NHERF1: variants seen among roughly 807,000 people sequenced by gnomAD.
The protein encoded by NHERF1 is Na(+)/H(+) exchange regulatory cofactor NHE-RF1.
At chr17:74,763,477 C>T in the NHERF1 span, 1 of 1,611,102 alleles carries the variant, frequency 6.2e-7, no homozygotes, top group South Asian at 1.1e-5. Flanking sequence ...CTGACGAGTT[C>T]TTCAAGAAAT....
the NHERF1 span, among the ~76,000 whole-genome samples, chr17:74,764,020 T>G: frequency 6.6e-6 from 1 of 152,232 alleles, no homozygotes; most frequent in South Asian, 2.1e-4. The surrounding 1 kb of genome is among the most constrained non-coding windows in gnomAD (Gnocchi z 4.9). Flanking sequence ...CCCCCTTCAA[T>G]CCCTGGGCCC....
At chr17:74,768,584 C>T in the NHERF1 span, 1 of 1,614,160 alleles carries the variant, frequency 6.2e-7, no homozygotes, top group Non-Finnish European at 8.5e-7. Flanking sequence ...AGAGGGCCCA[C>T]CAGAAACGCA....
chr17:74,753,604 C>T, the NHERF1 span, among the ~76,000 whole-genome samples: 1 of 152,130 alleles, frequency 6.6e-6, no homozygotes, highest in Non-Finnish European at 1.5e-5. Context: ...ATGGGGGCTT[C>T]CTGGCCGGGC....
the NHERF1 span, among the ~76,000 whole-genome samples, chr17:74,753,176 C>T: frequency 1.3e-5 from 2 of 152,188 alleles, no homozygotes; most frequent in Non-Finnish European, 1.5e-5. Context: ...TCCCTGCAAC[C>T]CTCAGCCTCC....
the NHERF1 span, among the ~76,000 whole-genome samples, chr17:74,750,722 C>CTT: frequency 1.1e-4 from 15 of 131,192 alleles, no homozygotes; most frequent in African/African-American, 3.2e-4. Flanking sequence ...ATTTGACATT[C>CTT]TTTTTTTTTT....
At chr17:74,750,639 A>G in the NHERF1 span, among the ~76,000 whole-genome samples, 1 of 151,972 alleles carries the variant, frequency 6.6e-6, no homozygotes, top group Non-Finnish European at 1.5e-5. Flanking sequence ...GGTTGATGCC[A>G]GGGAGTTGGG....
the NHERF1 span, among the ~76,000 whole-genome samples, chr17:74,760,346 G>C: frequency 2.0e-5 from 3 of 152,170 alleles, 1 homozygote; most frequent in South Asian, 6.2e-4. This position sits in a 1 kb window ranked among gnomAD's most constrained non-coding sequence, Gnocchi z 4.5. Flanking sequence ...GCCTTTGTGA[G>C]CCACTCACGT....
the NHERF1 span, chr17:74,749,401 C>T: frequency 1.9e-6 from 2 of 1,064,374 alleles, no homozygotes; most frequent in African/African-American, 3.3e-5. The surrounding 1 kb of genome is among the most constrained non-coding windows in gnomAD (Gnocchi z 5.6). Context: ...GAAACTCGAG[C>T]TGCGAGGGGG....
At chr17:74,764,448 C>G in the NHERF1 span, among the ~76,000 whole-genome samples, 1 of 152,170 alleles carries the variant, frequency 6.6e-6, no homozygotes. This position sits in a 1 kb window ranked among gnomAD's most constrained non-coding sequence, Gnocchi z 4.9. Context: ...GGTGGGGTAC[C>G]GCCTTACCCT....
the NHERF1 span, among the ~76,000 whole-genome samples, chr17:74,765,009 T>A: frequency 6.6e-6 from 1 of 152,114 alleles, no homozygotes; most frequent in Non-Finnish European, 1.5e-5. Flanking sequence ...AATTTTAAGC[T>A]AAGAGTTCAG....
the NHERF1 span, among the ~76,000 whole-genome samples, chr17:74,754,809 T>C: frequency 6.6e-6 from 1 of 152,212 alleles, no homozygotes; most frequent in Non-Finnish European, 1.5e-5. Flanking sequence ...CCAGACAAAT[T>C]AGCTATTGTT....
At chr17:74,763,465 A>G in the NHERF1 span, 1 of 1,612,976 alleles carries the variant, frequency 6.2e-7, no homozygotes, top group Non-Finnish European at 8.5e-7. Context: ...TGGACAGGGA[A>G]ACTGACGAGT....
chr17:74,758,252 G>C, the NHERF1 span, among the ~76,000 whole-genome samples: 1 of 152,250 alleles, frequency 6.6e-6, no homozygotes, highest in Non-Finnish European at 1.5e-5. The surrounding 1 kb of genome is among the most constrained non-coding windows in gnomAD (Gnocchi z 4.3). Context: ...GACTGCGTGG[G>C]TGGAGGTGAT....
chr17:74,757,033 G>A, the NHERF1 span, among the ~76,000 whole-genome samples: 1 of 152,128 alleles, frequency 6.6e-6, no homozygotes, highest in Non-Finnish European at 1.5e-5. Context: ...GCCCTGGATG[G>A]TGTCCAGCCG....
chr17:74,767,043 C>G, the NHERF1 span: 59 of 1,486,996 alleles, frequency 4.0e-5, no homozygotes, highest in African/African-American at 5.5e-5. Flanking sequence ...TCAGAAGGTG[C>G]TGTGGTTGGT....
chr17:74,761,266 G>A, the NHERF1 span, among the ~76,000 whole-genome samples: 3 of 152,314 alleles, frequency 2.0e-5, no homozygotes, highest in African/African-American at 2.4e-5. This position sits in a 1 kb window ranked among gnomAD's most constrained non-coding sequence, Gnocchi z 4.3. Context: ...AGGCTCCTCT[G>A]TTTCTGGGGT....
chr17:74,759,723 C>G, the NHERF1 span, among the ~76,000 whole-genome samples: 10 of 152,392 alleles, frequency 6.6e-5, no homozygotes, highest in African/African-American at 1.9e-4. Context: ...CCTCTGCTGC[C>G]TGACTCCTGT....
the NHERF1 span, among the ~76,000 whole-genome samples, chr17:74,761,067 T>C: frequency 6.6e-6 from 1 of 152,240 alleles, no homozygotes; most frequent in Non-Finnish European, 1.5e-5. The surrounding 1 kb of genome is among the most constrained non-coding windows in gnomAD (Gnocchi z 4.3). Context: ...TCCATCATAC[T>C]GTGTGTCCAG....
the NHERF1 span, chr17:74,749,287 G>C: frequency 1.3e-6 from 2 of 1,527,986 alleles, no homozygotes; most frequent in African/African-American, 2.8e-5. This position sits in a 1 kb window ranked among gnomAD's most constrained non-coding sequence, Gnocchi z 5.6. Flanking sequence ...ACCCGGAGCA[G>C]GTAAGCGGGG....
Sources: allele counts gnomAD v4.1 joint callset (sites outside exome capture counted in the v4.1 genomes callset), GRCh38; gene constraint gnomAD v4.1.1; non-coding constraint Gnocchi (gnomAD v3.1); transcripts MANE v1.5; gene names NCBI Gene and HGNC (gene_info 2026-07-23, HGNC 2026-07-21).